Variants in STIL observed in about 807,000 individuals in gnomAD.
STIL encodes STIL centriolar assembly protein, also known as SCL-interrupting locus protein.
STIL carries 55 observed loss-of-function variants against 110.1 expected under a neutral mutation model. That is an observed-to-expected ratio of 0.50 (90% CI 0.40 to 0.63). The LOEUF is 0.63. STIL is among the 20% of genes least tolerant of loss of function. STIL has a pLI of 0.00. For synonymous variants in STIL, 481 were observed against 530.0 expected (o/e 0.91, Z 1.27); for missense variants, 1,358 against 1,530.0 (o/e 0.89, Z 1.87).
chr1:47,303,686 A>C (rs1018432436), intron 3 of STIL, among the ~76,000 whole-genome samples: 2 of 152,200 alleles, frequency 1.3e-5, no homozygotes, highest in Non-Finnish European at 2.9e-5. Context: ...CAACAATAAA[A>C]AAAATAAAAA....
intron 7 of STIL, 122 bp downstream of exon 7, chr1:47,295,643 A>G (rs1645620784): frequency 2.8e-6 from 2 of 709,298 alleles, no homozygotes; most frequent in Non-Finnish European, 2.4e-6. Flanking sequence ...AAACCTGACA[A>G]CCACTTATCT....
chr1:47,251,524 G>T lies in STIL; in HGVS notation c.3479C>A (p.Ser1160Tyr). The T allele has an allele frequency of 1.2e-6, 2 of 1,614,166 alleles. No individual in the cohort carries two copies. Among genetic ancestry groups the T allele is most frequent in the Non-Finnish European group, 1.7e-6 (2 of 1,180,032 alleles). ...SEYLLNQNLR[S>Y]IPEQLGGQKE... ...CTGACCACCAAGCTGTTCAGGTATG[G>T]ACCTAAGGTTCTGATTCAATAAATA... is the stretch of plus-strand genomic sequence containing the variant. The change falls in exon 17 of 17, where the codon TCC becomes TAC. Residue 1160 changes from serine (S) to tyrosine (Y), a missense_variant. Coordinates refer to ENST00000371877, the MANE Select transcript of STIL (RefSeq NM_001048166.1).
chr1:47,277,529 G>A (rs1366632113), intron 12 of STIL, among the ~76,000 whole-genome samples: 1 of 152,154 alleles, frequency 6.6e-6, no homozygotes, highest in Non-Finnish European at 1.5e-5. Context: ...TGAGGGGATA[G>A]TACTGGATGG....
rs373910001 is a variant in STIL at position 47,260,414 on chromosome 1, A to T, written c.2955T>A (p.His985Gln). 6.2e-7 allele frequency: 1 copy of T among 1,614,134 alleles called. No individual in the cohort carries two copies. Among genetic ancestry groups the T allele is most frequent in the South Asian group, 1.1e-5 (1 of 91,080 alleles). Residue 985 changes from histidine (H) to glutamine (Q), a missense_variant, in exon 16 of 17, where the codon CAT becomes CAA. Coordinates refer to ENST00000371877, the MANE Select transcript of STIL (RefSeq NM_001048166.1). ...AATCTTTGTCCACCAGTCTTGAATG[A>T]TGTGTTTTTTTCTTTGTATGGTAAA... ...QNVYHTKKKT[H>Q]HSRLVDKDCV...
At chr1:47,307,672 C>G (rs1444704019) in intron 2 of STIL, among the ~76,000 whole-genome samples, 2 of 152,216 alleles carry the variant, frequency 1.3e-5, no homozygotes, top group Non-Finnish European at 2.9e-5. Flanking sequence ...GAAAAAAGAA[C>G]AGGATAACAG....
intron 12 of STIL, among the ~76,000 whole-genome samples, chr1:47,279,196 T>C (rs1462223594): frequency 6.8e-6 from 1 of 147,896 alleles, no homozygotes; most frequent in Non-Finnish European, 1.5e-5. Context: ...GGCAGGAGAA[T>C]GGCGTGAACC....
intron 2 of STIL, 196 bp from the exon 3 acceptor site, chr1:47,305,192 C>G: frequency 2.6e-5 from 13 of 497,946 alleles, no homozygotes; most frequent in Non-Finnish European, 3.9e-5. Context: ...GTGGCGTGAT[C>G]TCAGCTCACT....
intron 2 of STIL, among the ~76,000 whole-genome samples, chr1:47,306,880 C>T (rs1011602844): frequency 6.6e-6 from 1 of 152,198 alleles, no homozygotes; most frequent in African/African-American, 2.4e-5. Flanking sequence ...TGGGGCCAGG[C>T]CTGGTGGCTC....
At chr1:47,271,826 A>T (rs1200159466) in intron 13 of STIL, among the ~76,000 whole-genome samples, 1 of 151,706 alleles carries the variant, frequency 6.6e-6, no homozygotes, top group African/African-American at 2.4e-5. Flanking sequence ...AAAACAAAAA[A>T]CAAAAAAAAA....
Position 47,287,636 on chromosome 1 carries a change from G to A in STIL, c.1048C>T (p.Pro350Ser), listed in dbSNP as rs754337635. ...TCAGCGCTCAGTTCACAACGGATTG[G>A]ATTTTTGTCAGGAGGTTCAACATTC... is the stretch of plus-strand genomic sequence containing the variant. ...FKNVEPPDKN[P>S]IRCELSAESQ... Residue 350 changes from proline to serine, a missense_variant, in exon 10 of 17, where the codon CCA becomes TCA. Transcript: ENST00000371877. 9.3e-6 allele frequency: 15 copies of A among 1,613,398 alleles called. No individual in the cohort carries two copies. The highest frequency in any genetic ancestry group is 1.3e-5 in the African/African-American group (1 of 74,882).
At position 47,250,855 on chromosome 1, in the gene STIL, T is replaced by G. The variant is rs1230007793; in HGVS notation, c.*281A>C. ...TACAGTATAAAAGAGCAGTTGAGAC[T>G]TAGAGCTGGATAGTATCTGTCTACT... is the stretch of plus-strand genomic sequence containing the variant. On this transcript the variant is annotated 3_prime_UTR_variant, in exon 17 of 17. Coordinates refer to ENST00000371877, the MANE Select transcript of STIL (RefSeq NM_001048166.1). The G allele has an allele frequency of 2.8e-6, 1 of 352,934 alleles. No individual in the cohort carries two copies. Among genetic ancestry groups the G allele is most frequent in the African/African-American group, 2.1e-5 (1 of 47,912 alleles). 21.9% of individuals were successfully genotyped at this position (352,934 alleles called of 1,614,324 possible). A position where few individuals can be genotyped will look rare whatever the true frequency, so the allele number is the denominator to read the frequency against.
chr1:47,305,528 A>C (rs568034476), intron 2 of STIL, among the ~76,000 whole-genome samples: 1 of 152,234 alleles, frequency 6.6e-6, no homozygotes, highest in East Asian at 1.9e-4. Context: ...TTCCAGGTTG[A>C]AGCGATTCTC....
intron 12 of STIL, among the ~76,000 whole-genome samples, chr1:47,277,752 C>T (rs1003821957): frequency 2.0e-5 from 3 of 151,822 alleles, no homozygotes; most frequent in African/African-American, 7.3e-5. Context: ...TGAGCACTAA[C>T]TATATGTCAG....
chr1:47,250,945 C>T lies in STIL; in HGVS notation c.*191G>A. The T allele has an allele frequency of 1.7e-6, 1 of 590,714 alleles. No individual in the cohort carries two copies. The highest frequency in any genetic ancestry group is 3.0e-6 in the Non-Finnish European group (1 of 338,790). 36.6% of individuals were successfully genotyped at this position (590,714 alleles called of 1,614,324 possible). Reference sequence around the variant, plus strand: ...TAAAGGTTTCAGTGATGTTGAACAGCTCTATTTGAACAATGAGAACTTAGT... The same window carrying T: ...TAAAGGTTTCAGTGATGTTGAACAGTTCTATTTGAACAATGAGAACTTAGT... On this transcript the variant is annotated 3_prime_UTR_variant, in exon 17 of 17. Transcript: ENST00000371877.
chr1:47,263,937 G>C (rs1486044640), intron 14 of STIL, among the ~76,000 whole-genome samples: 2 of 151,942 alleles, frequency 1.3e-5, no homozygotes, highest in Non-Finnish European at 2.9e-5. Context: ...ATTTTTAGTA[G>C]AGATGGGGTT....
chr1:47,255,028 A>C (rs973359929), intron 16 of STIL, among the ~76,000 whole-genome samples: 2 of 152,252 alleles, frequency 1.3e-5, no homozygotes, highest in Admixed American at 6.5e-5. Context: ...AGTGGTATGC[A>C]CACCTGTAGT....
At chr1:47,311,283 C>CTTTTTTTTTT (rs536667689) in intron 1 of STIL, among the ~76,000 whole-genome samples, 1 of 132,230 alleles carries the variant, frequency 7.6e-6, no homozygotes, top group African/African-American at 2.8e-5. Context: ...TTCTTTTTTT[C>CTTTTTTTTTT]TTTTTTTTTT....
chr1:47,271,256 G>T (rs1311580635), intron 13 of STIL, among the ~76,000 whole-genome samples: 1 of 152,040 alleles, frequency 6.6e-6, no homozygotes, highest in Non-Finnish European at 1.5e-5. Context: ...AATACATAAT[G>T]GTTTAAACAG....
At chr1:47,258,479 AAGAATATTATGC>A (rs1644384555) in intron 16 of STIL, among the ~76,000 whole-genome samples, 1 of 151,418 alleles carries the variant, frequency 6.6e-6, no homozygotes, top group Non-Finnish European at 1.5e-5. Context: ...AAGGGTACAA[AAGAATATTATGC>A]AGCTGTTTAA....
Sources: allele counts gnomAD v4.1 joint callset (sites outside exome capture counted in the v4.1 genomes callset), GRCh38; gene constraint gnomAD v4.1.1; transcripts MANE v1.5; gene names NCBI Gene and HGNC (gene_info 2026-07-23, HGNC 2026-07-21).